Variants in HMGN3 observed in about 807,000 individuals in gnomAD.
HMGN3 encodes high mobility group nucleosome-binding domain-containing protein 3.
Under a neutral mutation model 18.8 loss-of-function variants are expected in HMGN3, and 6 were observed. The ratio of observed to expected loss-of-function variants is 0.32; its 90% CI spans 0.18 to 0.63. The LOEUF is 0.63. Ranked by LOEUF, HMGN3 falls within the 30% of genes least tolerant of loss-of-function variation. The pLI is 0.79. For synonymous variants in HMGN3, 40 were observed against 36.5 expected (o/e 1.10, Z -0.35); for missense variants, 107 against 114.2 (o/e 0.94, Z 0.29).
exon 5 of HMGN3, chr6:79,202,342 C>T (rs1262452061): frequency 6.2e-7 from 1 of 1,614,118 alleles, no homozygotes; most frequent in South Asian, 1.1e-5. Context: ...CCTGCTTTTC[C>T]TCCTTCTTCC....
At chr6:79,204,270 T>A (rs1279391307) in intron 3 of HMGN3, among the ~76,000 whole-genome samples, 1 of 152,230 alleles carries the variant, frequency 6.6e-6, no homozygotes, top group Non-Finnish European at 1.5e-5. Flanking sequence ...AATGATAAAA[T>A]GTCTACTGTT....
At chr6:79,202,478 T>C (rs1561980872) in intron 4 of HMGN3, 89 bp from the exon 5 acceptor site, 1 of 1,060,598 alleles carries the variant, frequency 9.4e-7, no homozygotes. Flanking sequence ...AAACACAAGG[T>C]GAAGTACAAC....
At chr6:79,202,339 T>C (rs1188826948) in exon 5 of HMGN3, 1 of 1,614,198 alleles carries the variant, frequency 6.2e-7, no homozygotes, top group Non-Finnish European at 8.5e-7. Context: ...CTTCCTGCTT[T>C]TCCTCCTTCT....
At chr6:79,221,488 G>A (rs1264955793) in intron 1 of HMGN3, among the ~76,000 whole-genome samples, 4 of 152,154 alleles carry the variant, frequency 2.6e-5, no homozygotes, top group Non-Finnish European at 5.9e-5. Flanking sequence ...GAAACCAAGG[G>A]AAGAAACTTG....
In HMGN3 at chr6:79,211,400, C is replaced by T. The variant is rs143529261; in HGVS notation, c.67-2824G>A. 1.7e-3 allele frequency among the ~76,000 whole-genome samples: 260 copies of T among 150,690 alleles called. 5 individuals are homozygous for T. The highest frequency in any genetic ancestry group is 4.3e-4 in the Non-Finnish European group (29 of 67,830). ...TTAAAACACTAACATGTGAAGTACTCATTTGAGACTCAGATTGTTGGGTGG... is the reference window on the plus strand; with the variant it reads ...TTAAAACACTAACATGTGAAGTACTTATTTGAGACTCAGATTGTTGGGTGG... On this transcript the variant is annotated intron_variant, in intron 2 of 5. Coordinates refer to ENST00000344726, the Ensembl canonical transcript of HMGN3.
At chr6:79,228,919 T>C (rs1338266945) in intron 1 of HMGN3, among the ~76,000 whole-genome samples, 1 of 152,144 alleles carries the variant, frequency 6.6e-6, no homozygotes, top group African/African-American at 2.4e-5. Context: ...TAAAACATAA[T>C]TGAGTGTCCA....
intron 3 of HMGN3, among the ~76,000 whole-genome samples, chr6:79,206,523 G>A (rs951459668): frequency 6.6e-6 from 1 of 152,236 alleles, no homozygotes; most frequent in African/African-American, 2.4e-5. Context: ...GTGAAGAAAT[G>A]AGGTTTGGGA....
At chr6:79,225,829 T>C (rs1017954023) in intron 1 of HMGN3, among the ~76,000 whole-genome samples, 1 of 152,174 alleles carries the variant, frequency 6.6e-6, no homozygotes, top group African/African-American at 2.4e-5. Context: ...GCTCCTCTCT[T>C]ACCAAGAACA....
intron 1 of HMGN3, 112 bp downstream of exon 1, chr6:79,234,434 T>G (rs1488146281): frequency 8.1e-6 from 8 of 988,832 alleles, no homozygotes; most frequent in Non-Finnish European, 1.3e-5. Context: ...GGAGCAAAGA[T>G]TCCCAATCCC....
At chr6:79,221,022 TA>T (rs1328883674) in intron 1 of HMGN3, among the ~76,000 whole-genome samples, 2 of 152,164 alleles carry the variant, frequency 1.3e-5, no homozygotes, top group African/African-American at 4.8e-5. Flanking sequence ...TATATTATAT[TA>T]TTTCCTGGAT....
chr6:79,219,866 TA>T (rs1327589669), intron 1 of HMGN3, among the ~76,000 whole-genome samples: 1 of 152,204 alleles, frequency 6.6e-6, no homozygotes, highest in East Asian at 1.9e-4. Flanking sequence ...CAGGAACATC[TA>T]ATCTGTATTT....
In HMGN3 at chr6:79,219,223, T is replaced by C. The variant is rs187347224; in HGVS notation, c.16-4201A>G. ...AGGAAAATGAGAAAATCTGTAAAGTTATCAGAGTTAAGGCAGATTACCTAT... is the reference window on the plus strand; with the variant it reads ...AGGAAAATGAGAAAATCTGTAAAGTCATCAGAGTTAAGGCAGATTACCTAT... On this transcript the variant is annotated intron_variant, in intron 1 of 5. Coordinates refer to ENST00000344726, the Ensembl canonical transcript of HMGN3. 2.6e-5 allele frequency among the ~76,000 whole-genome samples: 4 copies of C among 152,258 alleles called. No individual in the cohort carries two copies. In the East Asian group the frequency reaches 7.7e-4, roughly 29 times the overall value.
At chr6:79,227,349 G>A (rs1777612545) in intron 1 of HMGN3, among the ~76,000 whole-genome samples, 1 of 152,158 alleles carries the variant, frequency 6.6e-6, no homozygotes, top group South Asian at 2.1e-4. Context: ...GTTATTTGGT[G>A]ATTAAACATG....
chr6:79,234,333 G>A (rs570200170), intron 1 of HMGN3: 65 of 455,948 alleles, frequency 1.4e-4, no homozygotes, highest in African/African-American at 1.2e-3. Flanking sequence ...TCACTGGAGA[G>A]AAAGTAACAT....
At position 79,223,531 on chromosome 6, in the gene HMGN3, CACAA is replaced by C. The variant is rs372357307; in HGVS notation, c.16-8513_16-8510del. Among the ~76,000 whole-genome samples the C allele has an allele frequency of 4.8e-3, 734 of 151,918 alleles. 3 individuals are homozygous for C. Among genetic ancestry groups the C allele is most frequent in the Middle Eastern group, 0.024 (7 of 294 alleles). ...ATCTCAACAAACAAACAAACACACA[CACAA>C]ACAAACACCCACAAAAAACAATTAG... is the stretch of plus-strand genomic sequence containing the variant. On this transcript the variant is annotated intron_variant, in intron 1 of 5. Coordinates refer to ENST00000344726, the Ensembl canonical transcript of HMGN3.
At chr6:79,202,297 A>G in exon 5 of HMGN3, 2 of 1,614,042 alleles carry the variant, frequency 1.2e-6, no homozygotes, top group Non-Finnish European at 1.7e-6. Context: ...TAGTTTCACC[A>G]TTTTCAGATG....
intron 1 of HMGN3, among the ~76,000 whole-genome samples, chr6:79,230,032 C>T (rs542034732): frequency 6.6e-6 from 1 of 152,132 alleles, no homozygotes; most frequent in Non-Finnish European, 1.5e-5. Context: ...CTGGAACAAT[C>T]CAAATGTCCA....
chr6:79,222,133 G>A (rs1207424787), intron 1 of HMGN3, among the ~76,000 whole-genome samples: 12 of 152,174 alleles, frequency 7.9e-5, no homozygotes, highest in Non-Finnish European at 1.8e-4. Context: ...CCATGCTAAC[G>A]AGGAAAAGCT....
At chr6:79,211,011 CAAA>C (rs59749044) in intron 2 of HMGN3, among the ~76,000 whole-genome samples, 1,722 of 89,728 alleles carry the variant, frequency 0.019, 25 homozygotes, top group African/African-American at 0.062. Flanking sequence ...GAAATTAATG[CAAA>C]AAAAAAAAAA....
Sources: gnomAD v4.1 joint callset for allele counts (sites outside exome capture counted in the v4.1 genomes callset) on GRCh38, gnomAD v4.1.1 for gene constraint, MANE v1.5 for transcripts, NCBI Gene and HGNC (gene_info 2026-07-23, HGNC 2026-07-21) for gene names.